The following DIP2C variants were observed in gnomAD, a reference collection of about 807,000 sequenced individuals.
DIP2C encodes disco-interacting protein 2 homolog C.
DIP2C carries 33 observed loss-of-function variants against 192.4 expected under a neutral mutation model. The ratio of observed to expected loss-of-function variants is 0.17; its 90% CI spans 0.13 to 0.23. DIP2C has a LOEUF of 0.23. DIP2C is among the 10% of genes least tolerant of loss of function. The pLI is 1.00. For missense variants in DIP2C, 1,537 were observed against 2,110.1 expected (o/e 0.73, Z 5.32); for synonymous variants, 979 against 864.1 (o/e 1.13, Z -2.33).
At chr10:478,614 A>C in intron 2 of DIP2C, among the ~76,000 whole-genome samples, 1 of 138,538 alleles carries the variant, frequency 7.2e-6, no homozygotes. Context: ...CTGCAGACAC[A>C]TCCAAATTCC....
At chr10:384,492 C>T (rs918463838) in intron 15 of DIP2C, 54 bp downstream of exon 15, 25 of 1,566,478 alleles carry the variant, frequency 1.6e-5, no homozygotes, top group Middle Eastern at 3.4e-4. Flanking sequence ...CCTGCTTTGG[C>T]CTCCTAAAGC....
chr10:588,952 G>A (rs770840945), intron 1 of DIP2C, among the ~76,000 whole-genome samples: 5 of 152,318 alleles, frequency 3.3e-5, no homozygotes, highest in African/African-American at 7.2e-5. Flanking sequence ...ATGCTGAACC[G>A]CAGCATCACA....
chr10:448,728 A>T (rs1968567980), intron 3 of DIP2C, among the ~76,000 whole-genome samples: 1 of 140,386 alleles, frequency 7.1e-6, no homozygotes, highest in South Asian at 2.3e-4. Context: ...TCCCATCAAT[A>T]CTCATGATCA....
At chr10:672,960 C>G (rs533987743) in intron 1 of DIP2C, among the ~76,000 whole-genome samples, 11 of 152,342 alleles carry the variant, frequency 7.2e-5, no homozygotes, top group African/African-American at 1.9e-4. Flanking sequence ...ACCCATGTAT[C>G]AACCCCCTGG....
chr10:520,036 G>GC (rs1437084213), intron 1 of DIP2C, among the ~76,000 whole-genome samples: 2 of 152,176 alleles, frequency 1.3e-5, no homozygotes, highest in Admixed American at 6.5e-5. Context: ...GCCAACGGAG[G>GC]CCCCCACCCT....
chr10:298,107 C>T (rs1035849662), intron 32 of DIP2C, among the ~76,000 whole-genome samples: 8 of 152,214 alleles, frequency 5.3e-5, no homozygotes, highest in African/African-American at 1.9e-4. Flanking sequence ...CAGCCTTCCT[C>T]ATTTCCCCCT....
At chr10:507,377 G>A (rs114975042) in intron 1 of DIP2C, among the ~76,000 whole-genome samples, 2,470 of 145,898 alleles carry the variant, frequency 0.017, 72 homozygotes, top group African/African-American at 0.06. Context: ...AGCTGTGCGA[G>A]GTTACAGACC....
At chr10:642,438 C>T (rs1367741463) in intron 1 of DIP2C, among the ~76,000 whole-genome samples, 3 of 152,248 alleles carry the variant, frequency 2.0e-5, no homozygotes, top group East Asian at 1.9e-4. Context: ...AGGAGCCACA[C>T]GGGGCAGGTC....
chr10:621,710 G>A (rs1194773972), intron 1 of DIP2C, among the ~76,000 whole-genome samples: 1 of 152,202 alleles, frequency 6.6e-6, no homozygotes, highest in Non-Finnish European at 1.5e-5. Flanking sequence ...TGGATCAGGA[G>A]GACGCCCACT....
At chr10:635,201 T>C (rs1854761961) in intron 1 of DIP2C, among the ~76,000 whole-genome samples, 1 of 152,240 alleles carries the variant, frequency 6.6e-6, no homozygotes, top group South Asian at 2.1e-4. Context: ...TGATTTAATG[T>C]AGGTGATTGG....
At chr10:491,026 G>T (rs186615763) in intron 1 of DIP2C, among the ~76,000 whole-genome samples, 1 of 152,298 alleles carries the variant, frequency 6.6e-6, no homozygotes, top group East Asian at 1.9e-4. Context: ...GCAGGGAAAG[G>T]TCTGCCTGGC....
In DIP2C at chr10:380,296, C is replaced by T. The variant is rs61083143; in HGVS notation, c.1991+2351G>A. 6.4e-5 allele frequency among the ~76,000 whole-genome samples: 8 copies of T among 125,140 alleles called. No homozygotes were observed. In the South Asian group the frequency reaches 7.8e-4, roughly 12 times the overall value. 82.1% of individuals were successfully genotyped at this position (125,140 alleles called of 152,430 possible). A position where few individuals can be genotyped will look rare whatever the true frequency, so the allele number is the denominator to read the frequency against. ...GGCTGTCCCTGGATGATGGTTAACA[C>T]GCAGAAGAGGCTGTCCCTGGAAGAT... On this transcript the variant is annotated intron_variant, in intron 17 of 36. Coordinates refer to ENST00000280886, the MANE Select transcript of DIP2C (RefSeq NM_014974.3).
At chr10:602,184 A>C (rs538998084) in intron 1 of DIP2C, among the ~76,000 whole-genome samples, 39 of 151,834 alleles carry the variant, frequency 2.6e-4, no homozygotes, top group African/African-American at 9.4e-4. Flanking sequence ...TCTGAAGAAA[A>C]CTCCTGCAGT....
At chr10:521,279 G>A (rs1014679132) in intron 1 of DIP2C, among the ~76,000 whole-genome samples, 1 of 152,128 alleles carries the variant, frequency 6.6e-6, no homozygotes, top group South Asian at 2.1e-4. Flanking sequence ...CCCAACAACT[G>A]AACACCTCCC....
intron 6 of DIP2C, 116 bp from the exon 7 acceptor site, chr10:416,004 G>C (rs1965608786): frequency 6.7e-7 from 1 of 1,495,194 alleles, no homozygotes; most frequent in South Asian, 1.3e-5. Context: ...CTGCATCCTA[G>C]ATGCGATCCT....
intron 26 of DIP2C, among the ~76,000 whole-genome samples, chr10:346,236 CGT>C (rs1958444188): frequency 7.1e-5 from 1 of 14,148 alleles, no homozygotes; most frequent in Non-Finnish European, 1.5e-4. Flanking sequence ...AGACATATCG[CGT>C]ATAGTTCTCC....
chr10:446,065 C>T (rs1417209801), intron 3 of DIP2C, among the ~76,000 whole-genome samples: 1 of 151,322 alleles, frequency 6.6e-6, no homozygotes, highest in East Asian at 2.0e-4. Context: ...CTCACAGGCC[C>T]ACTGGGCATC....
At chr10:418,309 G>A (rs1161113561) in intron 6 of DIP2C, among the ~76,000 whole-genome samples, 1 of 151,382 alleles carries the variant, frequency 6.6e-6, no homozygotes, top group Non-Finnish European at 1.5e-5. Flanking sequence ...AGCTCGGATA[G>A]GCCTCCCTGT....
intron 17 of DIP2C, among the ~76,000 whole-genome samples, chr10:370,942 T>C (rs1440229838): frequency 2.0e-5 from 3 of 152,198 alleles, no homozygotes; most frequent in Admixed American, 1.3e-4. Context: ...AGAATTATTC[T>C]AGATGTAAGA....
Sources: allele counts gnomAD v4.1 joint callset (sites outside exome capture counted in the v4.1 genomes callset), GRCh38; gene constraint gnomAD v4.1.1; transcripts MANE v1.5; gene names NCBI Gene and HGNC (gene_info 2026-07-23, HGNC 2026-07-21).